DNAH7: variants seen among roughly 807,000 people sequenced by gnomAD.
The protein encoded by DNAH7 is axonemal beta dynein heavy chain 7.
DNAH7 carries 397 observed loss-of-function variants against 444.6 expected under a neutral mutation model. The ratio of observed to expected loss-of-function variants is 0.89; its 90% CI spans 0.82 to 0.97. The LOEUF (loss-of-function observed/expected upper bound fraction) is 0.97. DNAH7 is among the 50% of genes least tolerant of loss of function. The probability of loss-of-function intolerance (pLI) is 0.00; values close to 1 mark genes in which losing one functional copy is unlikely to be tolerated. For synonymous variants in DNAH7, 1,636 were observed against 1,624.4 expected (o/e 1.01, Z -0.17); for missense variants, 4,902 against 4,800.8 (o/e 1.02, Z -0.62).
intron 40 of DNAH7, among the ~76,000 whole-genome samples, chr2:195,867,188 C>T (rs1199091909): frequency 6.6e-6 from 1 of 152,126 alleles, no homozygotes; most frequent in East Asian, 1.9e-4. Flanking sequence ...TAACCACCAC[C>T]AAGATCAAGA....
chr2:195,869,528 G>A (rs1425782664), intron 40 of DNAH7, among the ~76,000 whole-genome samples: 1 of 152,116 alleles, frequency 6.6e-6, no homozygotes, highest in Non-Finnish European at 1.5e-5. Context: ...AAGTAAAATA[G>A]GACAGGATAA....
intron 24 of DNAH7, among the ~76,000 whole-genome samples, chr2:195,914,806 G>T (rs1263871336): frequency 3.3e-5 from 5 of 152,122 alleles, no homozygotes; most frequent in Non-Finnish European, 7.3e-5. Context: ...TGGGATTACA[G>T]GCATGTACCA....
At chr2:195,766,844 A>G (rs916999418) in intron 61 of DNAH7, among the ~76,000 whole-genome samples, 1 of 152,166 alleles carries the variant, frequency 6.6e-6, no homozygotes, top group African/African-American at 2.4e-5. Flanking sequence ...TAAGAAATAA[A>G]TAAGTAAAAT....
chr2:196,061,593 T>C (rs1030221913), intron 1 of DNAH7, among the ~76,000 whole-genome samples: 2 of 152,204 alleles, frequency 1.3e-5, no homozygotes, highest in African/African-American at 4.8e-5. Context: ...AATTCAGTAG[T>C]AAACCCTTTG....
At chr2:195,784,523 C>A (rs1695521478) in intron 58 of DNAH7, among the ~76,000 whole-genome samples, 1 of 152,146 alleles carries the variant, frequency 6.6e-6, no homozygotes, top group African/African-American at 2.4e-5. Context: ...TGGTTGCTTC[C>A]AAGTTTTGCC....
intron 21 of DNAH7, among the ~76,000 whole-genome samples, chr2:195,927,311 G>T (rs970471875): frequency 5.3e-5 from 8 of 152,030 alleles, no homozygotes; most frequent in African/African-American, 1.9e-4. Context: ...TTTCAGAAAA[G>T]ATTTCTTAGA....
chr2:195,882,941 A>G (rs1259522105), intron 35 of DNAH7, among the ~76,000 whole-genome samples: 2 of 152,128 alleles, frequency 1.3e-5, no homozygotes, highest in Admixed American at 6.5e-5. Context: ...TGAGGCTAGC[A>G]CTGTGCTTTA....
chr2:196,047,575 A>T, intron 4 of DNAH7, 76 bp from the exon 5 acceptor site: 1 of 1,245,380 alleles, frequency 8.0e-7, no homozygotes, highest in Non-Finnish European at 1.1e-6. Context: ...GCTTAAAATA[A>T]GATGCTAAAT....
intron 24 of DNAH7, among the ~76,000 whole-genome samples, chr2:195,912,189 T>C (rs1223152203): frequency 6.6e-6 from 1 of 152,126 alleles, no homozygotes; most frequent in African/African-American, 2.4e-5. Context: ...CCTCTCTCTG[T>C]ATGGTGGAAG....
chr2:195,996,779 T>C (rs1322989529), intron 12 of DNAH7, among the ~76,000 whole-genome samples: 1 of 152,214 alleles, frequency 6.6e-6, no homozygotes, highest in Non-Finnish European at 1.5e-5. Flanking sequence ...ATTTTATCTA[T>C]ATTGTAACAA....
chr2:195,995,378 C>T, intron 12 of DNAH7: 1 of 516,082 alleles, frequency 1.9e-6, no homozygotes, highest in South Asian at 1.4e-5. Flanking sequence ...TCTTGGTGAG[C>T]ACACCAAGGG....
intron 61 of DNAH7, among the ~76,000 whole-genome samples, chr2:195,761,329 C>G (rs1694339867): frequency 6.6e-6 from 1 of 151,966 alleles, no homozygotes; most frequent in Admixed American, 6.6e-5. Context: ...AGCACACCTA[C>G]AAGATCTAGA....
intron 35 of DNAH7, 61 bp from the exon 36 acceptor site, chr2:195,882,053 C>A: frequency 2.1e-6 from 3 of 1,396,090 alleles, no homozygotes; most frequent in Non-Finnish European, 3.0e-6. Flanking sequence ...GCTCTATACT[C>A]CTGTGCCATT....
chr2:196,066,181 C>A (rs1338002727), intron 1 of DNAH7, among the ~76,000 whole-genome samples: 1 of 152,210 alleles, frequency 6.6e-6, no homozygotes, highest in South Asian at 2.1e-4. Flanking sequence ...CAAGTATTAA[C>A]CCTCCTGATC....
chr2:195,957,114 C>T lies in DNAH7; in HGVS notation c.3078+147G>A, dbSNP rs1690720511. The T allele has an allele frequency of 1.4e-5, 9 of 648,730 alleles. 1 individual carries two copies. The South Asian group carries it at 4.2e-4, about 30-fold the overall frequency. The allele number at this position is 648,730 out of a possible 1,614,324, so 40.2% of individuals were successfully genotyped here. Reference sequence around the variant, plus strand: ...TGCTTGCGACATTTTCTGCTCCTGGCATTCTAAAATAATAGCTGAAAAGAC... The same window carrying T: ...TGCTTGCGACATTTTCTGCTCCTGGTATTCTAAAATAATAGCTGAAAAGAC... On this transcript the variant is annotated intron_variant, in intron 19 of 64. Coordinates refer to ENST00000312428, the MANE Select transcript of DNAH7 (RefSeq NM_018897.3).
At chr2:196,016,478 A>C (rs1695029237) in intron 9 of DNAH7, among the ~76,000 whole-genome samples, 1 of 152,210 alleles carries the variant, frequency 6.6e-6, no homozygotes, top group Non-Finnish European at 1.5e-5. Flanking sequence ...TTAAGCAGAC[A>C]AAGAAATCCA....
At chr2:195,747,100 A>G (rs1226290911) in intron 63 of DNAH7, among the ~76,000 whole-genome samples, 1 of 152,212 alleles carries the variant, frequency 6.6e-6, no homozygotes, top group Non-Finnish European at 1.5e-5. Context: ...ATAGACCGCT[A>G]GCAAGACTAA....
chr2:196,020,745 G>A (rs978238617), intron 8 of DNAH7, among the ~76,000 whole-genome samples: 2 of 151,884 alleles, frequency 1.3e-5, no homozygotes, highest in Non-Finnish European at 2.9e-5. Flanking sequence ...TGAGTAGCTG[G>A]GATTACAAGT....
intron 61 of DNAH7, among the ~76,000 whole-genome samples, chr2:195,769,943 C>T (rs1694758162): frequency 6.6e-6 from 1 of 152,172 alleles, no homozygotes; most frequent in Non-Finnish European, 1.5e-5. Flanking sequence ...ATTGAGTCTA[C>T]CAGGCATTTC....
Sources: allele counts gnomAD v4.1 joint callset (sites outside exome capture counted in the v4.1 genomes callset), GRCh38; gene constraint gnomAD v4.1.1; transcripts MANE v1.5; gene names NCBI Gene and HGNC (gene_info 2026-07-23, HGNC 2026-07-21).